CHRM5: variants seen among roughly 807,000 people sequenced by gnomAD.
CHRM5 encodes the protein muscarinic acetylcholine receptor M5.
In CHRM5, 18 loss-of-function variants were observed where a neutral mutation model predicts 39.0. That is an observed-to-expected ratio of 0.46 (90% CI 0.32 to 0.68). The LOEUF is 0.68. Among genes scored for constraint, CHRM5 ranks in the 30% least tolerant of loss-of-function variants. The probability of loss-of-function intolerance (pLI) is 0.04; values close to 1 mark genes in which losing one functional copy is unlikely to be tolerated. For missense variants in CHRM5, 515 were observed against 651.1 expected, an observed-to-expected ratio of 0.79 and a Z score of 2.28; for synonymous variants, 241 against 246.3, an observed-to-expected ratio of 0.98 and a Z score of 0.20.
rs1900519018 is a variant in CHRM5 at position 34,066,680 on chromosome 15, T to C, written c.*2364T>C. 1 of 152,162 alleles carries C rather than the reference T, an allele frequency of 6.6e-6. No homozygotes were observed. The highest frequency in any genetic ancestry group is 2.4e-5 in the African/African-American group (1 of 41,406). 9.4% of individuals were successfully genotyped at this position (152,162 alleles called of 1,614,324 possible). A position where few individuals can be genotyped will look rare whatever the true frequency, so the allele number is the denominator to read the frequency against. On this transcript the variant is annotated 3_prime_UTR_variant, in exon 3 of 3. Transcript: ENST00000383263. Reference sequence around the variant, plus strand: ...ATACCTGGGCATTAGCAGGGCATCGTAGTGTGTGCCTGTAGACCCAGCTAC... The same window carrying C: ...ATACCTGGGCATTAGCAGGGCATCGCAGTGTGTGCCTGTAGACCCAGCTAC...
chr15:34,066,825 AG>A lies in CHRM5; in HGVS notation c.*2510del, dbSNP rs1172749607. On this transcript the variant is annotated 3_prime_UTR_variant, in exon 3 of 3. Transcript: ENST00000383263. ...GCAAGACCCTGCCTCAAAAAAAAAA[AG>A]AGAGAGAGAGAGGTCAATGCTTCTT... 5.0e-5 allele frequency: 5 copies of A among 100,102 alleles called. No individual in the cohort carries two copies. The highest frequency in any genetic ancestry group is 6.7e-5 in the African/African-American group (2 of 30,038). The allele number at this position is 100,102 out of a possible 1,614,324, so 6.2% of individuals were successfully genotyped here. A position where few individuals can be genotyped will look rare whatever the true frequency, so the allele number is the denominator to read the frequency against.
intron 1 of CHRM5, chr15:34,039,204 C>T (rs2140798764): frequency 3.6e-6 from 2 of 562,624 alleles, no homozygotes; most frequent in South Asian, 1.6e-4. Flanking sequence ...CCGGCCGCAG[C>T]GGAGCGGGGC....
At chr15:33,985,714 G>T (rs995036476) in intron 1 of CHRM5, among the ~76,000 whole-genome samples, 1 of 152,090 alleles carries the variant, frequency 6.6e-6, no homozygotes, top group Non-Finnish European at 1.5e-5. Flanking sequence ...TGTTTGGTAA[G>T]TAAGTACCTA....
chr15:34,064,416 C>A lies in CHRM5; in HGVS notation c.*100C>A. The stretch of plus-strand genomic sequence containing the variant: ...TTGTATATTTTCAAAAAGAAGACAT[C>A]TCATTTTGAGTCCTTGAAGATTTTT... On this transcript the variant is annotated 3_prime_UTR_variant, in exon 3 of 3. Coordinates refer to ENST00000383263, the MANE Select transcript of CHRM5 (RefSeq NM_012125.4). 1.4e-6 allele frequency: 2 copies of A among 1,379,348 alleles called. No individual in the cohort carries two copies. Among genetic ancestry groups the A allele is most frequent in the Non-Finnish European group, 1.9e-6 (2 of 1,034,602 alleles). The allele number at this position is 1,379,348 out of a possible 1,614,324, so 85.4% of individuals were successfully genotyped here. A position where few individuals can be genotyped will look rare whatever the true frequency, so the allele number is the denominator to read the frequency against.
At chr15:34,015,499 A>T (rs28759330) in intron 1 of CHRM5, among the ~76,000 whole-genome samples, 4 of 151,580 alleles carry the variant, frequency 2.6e-5, no homozygotes, top group Non-Finnish European at 4.4e-5. Flanking sequence ...AAAAAAAAAT[A>T]AAAAAATTCC....
At chr15:34,034,826 A>C (rs1380453518) in intron 1 of CHRM5, among the ~76,000 whole-genome samples, 2 of 152,216 alleles carry the variant, frequency 1.3e-5, no homozygotes, top group African/African-American at 2.4e-5. Flanking sequence ...TCTTAAAGCA[A>C]TCTTCTGTTG....
chr15:34,038,739 A>G (rs914515068), intron 1 of CHRM5: 3 of 1,139,760 alleles, frequency 2.6e-6, no homozygotes, highest in African/African-American at 3.3e-5. Flanking sequence ...CACTTGCCCC[A>G]GTTACACGCG....
intron 1 of CHRM5, among the ~76,000 whole-genome samples, chr15:34,007,337 CATG>C (rs1322436965): frequency 6.6e-6 from 1 of 152,166 alleles, no homozygotes; most frequent in African/African-American, 2.4e-5. Context: ...TAAGAATTGT[CATG>C]ATAACTCCAT....
chr15:34,045,712 A>G (rs185916601), intron 1 of CHRM5, among the ~76,000 whole-genome samples: 2 of 137,960 alleles, frequency 1.4e-5, no homozygotes, highest in Non-Finnish European at 3.1e-5. Flanking sequence ...AAAAAAAAAA[A>G]GGTGTTTCAG....
chr15:34,040,451 C>G (rs1393037688), intron 1 of CHRM5, among the ~76,000 whole-genome samples: 1 of 152,130 alleles, frequency 6.6e-6, no homozygotes, highest in East Asian at 1.9e-4. Flanking sequence ...GAAGGATTGT[C>G]AACTCCAGAG....
chr15:34,019,778 G>C (rs1353708456), intron 1 of CHRM5, among the ~76,000 whole-genome samples: 1 of 152,124 alleles, frequency 6.6e-6, no homozygotes, highest in African/African-American at 2.4e-5. Flanking sequence ...GTGTACAGTA[G>C]GCTACACCAT....
At chr15:34,036,965 C>T (rs1168276414) in intron 1 of CHRM5, among the ~76,000 whole-genome samples, 1 of 151,982 alleles carries the variant, frequency 6.6e-6, no homozygotes, top group African/African-American at 2.4e-5. Flanking sequence ...CAAAATTAGC[C>T]GGGCAAGGTG....
chr15:33,981,107 C>A (rs672065), intron 1 of CHRM5, among the ~76,000 whole-genome samples: 2 of 152,066 alleles, frequency 1.3e-5, no homozygotes, highest in East Asian at 1.9e-4. Flanking sequence ...GGACAGCAAC[C>A]CCTCTTAATT....
At chr15:33,977,673 C>G (rs575053097) in intron 1 of CHRM5, among the ~76,000 whole-genome samples, 1 of 152,296 alleles carries the variant, frequency 6.6e-6, no homozygotes, top group African/African-American at 2.4e-5. Flanking sequence ...CTGACTATTT[C>G]TACAAGTGAA....
At chr15:34,019,039 G>A (rs180948502) in intron 1 of CHRM5, among the ~76,000 whole-genome samples, 215 of 151,082 alleles carry the variant, frequency 1.4e-3, no homozygotes, top group Non-Finnish European at 2.5e-3. Flanking sequence ...TGATTGGTGC[G>A]TTTTTTTTAC....
intron 1 of CHRM5, among the ~76,000 whole-genome samples, chr15:33,973,081 GAA>G (rs1895709102): frequency 6.6e-6 from 1 of 152,098 alleles, no homozygotes; most frequent in Non-Finnish European, 1.5e-5. Flanking sequence ...TTTTTGTATT[GAA>G]ATTATTAGTG....
intron 2 of CHRM5, among the ~76,000 whole-genome samples, chr15:34,058,555 A>ACACACAC (rs4041434): frequency 2.8e-5 from 4 of 143,180 alleles, no homozygotes; most frequent in Non-Finnish European, 4.6e-5. Flanking sequence ...CTTTAATTCT[A>ACACACAC]ACACACACAC....
intron 1 of CHRM5, among the ~76,000 whole-genome samples, chr15:34,030,651 AAG>A (rs1898744731): frequency 6.6e-6 from 1 of 151,314 alleles, no homozygotes; most frequent in Non-Finnish European, 1.5e-5. Flanking sequence ...TTTGTTGAGA[AAG>A]AGTCTCGGGC....
rs375807064 is a variant in CHRM5, at chr15:33,983,636, A to G, written c.-408+14486A>G. On this transcript the variant is annotated intron_variant, in intron 1 of 2. Transcript: ENST00000383263. ...TATTTACTGTCATTGTTTTTAACACATGCCCAGAAATTCCTCCTTCCATGG... is the reference window on the plus strand; with the variant it reads ...TATTTACTGTCATTGTTTTTAACACGTGCCCAGAAATTCCTCCTTCCATGG... Among the ~76,000 whole-genome samples the G allele has an allele frequency of 1.9e-4, 29 of 152,242 alleles. 1 individual carries two copies. The East Asian group carries it at 3.3e-3, about 17-fold the overall frequency.
Sources: allele counts gnomAD v4.1 joint callset (sites outside exome capture counted in the v4.1 genomes callset), GRCh38; gene constraint gnomAD v4.1.1; transcripts MANE v1.5; gene names NCBI Gene and HGNC (gene_info 2026-07-23, HGNC 2026-07-21).